The following BRINP3 variants were observed in gnomAD, a reference collection of about 807,000 sequenced individuals.
The protein encoded by BRINP3 is BMP/retinoic acid inducible neural specific 3.
Under a neutral mutation model 71.0 loss-of-function variants are expected in BRINP3, and 19 were observed. That is an observed-to-expected ratio of 0.27 (90% CI 0.19 to 0.39). BRINP3 has a LOEUF of 0.39. BRINP3 is among the 10% of genes least tolerant of loss of function. The probability of loss-of-function intolerance (pLI) is 1.00; values close to 1 mark genes in which losing one functional copy is unlikely to be tolerated. For synonymous variants in BRINP3, 380 were observed against 337.7 expected, an observed-to-expected ratio of 1.13 and a Z score of -1.37; for missense variants, 959 against 940.8, an observed-to-expected ratio of 1.02 and a Z score of -0.25.
At chr1:190,400,480 T>C (rs999721754) in intron 2 of BRINP3, among the ~76,000 whole-genome samples, 1 of 152,188 alleles carries the variant, frequency 6.6e-6, no homozygotes, top group Non-Finnish European at 1.5e-5. Context: ...GAAAGTTTAA[T>C]TCTAGGAAAA....
intron 2 of BRINP3, among the ~76,000 whole-genome samples, chr1:190,342,063 C>A (rs552338071): frequency 3.3e-5 from 5 of 150,990 alleles, no homozygotes; most frequent in Admixed American, 3.3e-4. Flanking sequence ...GCCATGTGAC[C>A]CCATTTCTAT....
At chr1:190,476,338 G>A (rs964416428) in intron 1 of BRINP3, among the ~76,000 whole-genome samples, 1 of 151,938 alleles carries the variant, frequency 6.6e-6, no homozygotes, top group African/African-American at 2.4e-5. Flanking sequence ...TAGAGACCAG[G>A]AACTTGTCCT....
chr1:190,354,959 A>G (rs1274753195), intron 2 of BRINP3, among the ~76,000 whole-genome samples: 2 of 151,766 alleles, frequency 1.3e-5, no homozygotes, highest in Non-Finnish European at 2.9e-5. Context: ...ATATATTTGG[A>G]TATCTGCTTA....
chr1:190,188,346 T>C (rs528395750), intron 6 of BRINP3, among the ~76,000 whole-genome samples: 1 of 152,296 alleles, frequency 6.6e-6, no homozygotes, highest in Non-Finnish European at 1.5e-5. Context: ...ATAATTTGGA[T>C]ACCTTTTATT....
intron 2 of BRINP3, among the ~76,000 whole-genome samples, chr1:190,362,972 A>T (rs1383112568): frequency 1.3e-5 from 2 of 150,174 alleles, no homozygotes; most frequent in Admixed American, 1.3e-4. Flanking sequence ...AAGAACTGTG[A>T]TCATGATAGG....
chr1:190,224,799 A>G (rs1325778828), intron 6 of BRINP3, among the ~76,000 whole-genome samples: 1 of 151,882 alleles, frequency 6.6e-6, no homozygotes, highest in Non-Finnish European at 1.5e-5. Flanking sequence ...ACAAAATACT[A>G]AAAACCAAAA....
At chr1:190,439,931 C>A (rs1274662043) in intron 2 of BRINP3, among the ~76,000 whole-genome samples, 1 of 151,722 alleles carries the variant, frequency 6.6e-6, no homozygotes, top group Non-Finnish European at 1.5e-5. Context: ...AAGAACTAGT[C>A]ATAGTGCATT....
chr1:190,142,433 A>C (rs765632965), intron 7 of BRINP3, among the ~76,000 whole-genome samples: 6 of 152,166 alleles, frequency 3.9e-5, no homozygotes, highest in Non-Finnish European at 7.4e-5. Context: ...AAACAGAGTT[A>C]AAGAAAGGTT....
chr1:190,336,783 TCCCTCCCTC>T (rs1667307653), intron 2 of BRINP3, among the ~76,000 whole-genome samples: 1 of 103,564 alleles, frequency 9.7e-6, no homozygotes, highest in Non-Finnish European at 2.0e-5. Flanking sequence ...TCTCCTTCCC[TCCCTCCCTC>T]CCTTCCCTCC....
chr1:190,344,305 TA>T (rs1667868982), intron 2 of BRINP3, among the ~76,000 whole-genome samples: 1 of 151,830 alleles, frequency 6.6e-6, no homozygotes, highest in South Asian at 2.1e-4. Flanking sequence ...TCGAGCTCAG[TA>T]AAGTGATAGA....
At chr1:190,388,509 G>T (rs908938324) in intron 2 of BRINP3, among the ~76,000 whole-genome samples, 1 of 151,756 alleles carries the variant, frequency 6.6e-6, no homozygotes, top group Non-Finnish European at 1.5e-5. Flanking sequence ...TATGACAGAG[G>T]AAAAGATTGG....
At chr1:190,432,945 A>C (rs749814656) in intron 2 of BRINP3, among the ~76,000 whole-genome samples, 6 of 152,208 alleles carry the variant, frequency 3.9e-5, no homozygotes, top group African/African-American at 7.2e-5. Flanking sequence ...TGAAAAATAC[A>C]TAGTTTATAA....
chr1:190,343,634 A>G (rs1466763475), intron 2 of BRINP3, among the ~76,000 whole-genome samples: 2 of 151,620 alleles, frequency 1.3e-5, no homozygotes, highest in Non-Finnish European at 3.0e-5. Flanking sequence ...CATTACTAGT[A>G]TTATTATATT....
intron 2 of BRINP3, among the ~76,000 whole-genome samples, chr1:190,423,792 G>A (rs1349640871): frequency 1.3e-5 from 2 of 151,682 alleles, no homozygotes; most frequent in Non-Finnish European, 3.0e-5. Flanking sequence ...TGGCACTGGT[G>A]CTAGATGTAA....
chr1:190,295,889 T>G (rs1664210772), intron 2 of BRINP3, among the ~76,000 whole-genome samples: 2 of 152,158 alleles, frequency 1.3e-5, no homozygotes, highest in Non-Finnish European at 2.9e-5. Context: ...TTTTGGTTAT[T>G]ATACCAAAAT....
rs569852795 is a variant in BRINP3, at chr1:190,405,630, G to A, written c.236+49025C>T. Among the ~76,000 whole-genome samples the A allele has an allele frequency of 1.0e-3, 158 of 152,076 alleles. 1 individual carries two copies. Among genetic ancestry groups the A allele is most frequent in the African/African-American group, 3.4e-3 (140 of 41,482 alleles). ...AATTAGTGCAGTATCACATTAGGAC[G>A]CAAGACACAGGCAGAGAAACGAATT... is the stretch of plus-strand genomic sequence containing the variant. On this transcript the variant is annotated intron_variant, in intron 2 of 7. Transcript: ENST00000367462.
chr1:190,369,643 T>C (rs1356824913), intron 2 of BRINP3, among the ~76,000 whole-genome samples: 1 of 88,212 alleles, frequency 1.1e-5, no homozygotes, highest in African/African-American at 3.8e-5. Flanking sequence ...CACACTAATT[T>C]GCATAGACTT....
intron 2 of BRINP3, among the ~76,000 whole-genome samples, chr1:190,453,203 ATTTTTTTTTTTTTTTTTTTT>A (rs1190785225): frequency 2.0e-4 from 8 of 40,914 alleles, no homozygotes; most frequent in South Asian, 1.6e-3. Flanking sequence ...AAACTTTAGT[ATTTTTTTTTTTTTTTTTTTT>A]TTTTTTTTTT....
chr1:190,351,652 A>C (rs1571832441), intron 2 of BRINP3, among the ~76,000 whole-genome samples: 1 of 152,136 alleles, frequency 6.6e-6, no homozygotes, highest in East Asian at 1.9e-4. Context: ...GCATCTATAC[A>C]AGAAACAATC....
Sources: allele counts gnomAD v4.1 joint callset (sites outside exome capture counted in the v4.1 genomes callset), GRCh38; gene constraint gnomAD v4.1.1; transcripts MANE v1.5; gene names NCBI Gene and HGNC (gene_info 2026-07-23, HGNC 2026-07-21).